The following GOLGA2 variants were observed in gnomAD, a reference collection of about 807,000 sequenced individuals.
GOLGA2 encodes golgin A2, also known as golgin subfamily A member 2.
A neutral mutation model predicts 148.8 loss-of-function variants in GOLGA2; 49 were observed. That is an observed-to-expected ratio of 0.33 (90% CI 0.26 to 0.42). GOLGA2 has a LOEUF of 0.42. Among genes scored for constraint, GOLGA2 ranks in the 10% least tolerant of loss-of-function variants. The pLI is 1.00. For missense variants in GOLGA2, 1,178 were observed against 1,304.6 expected, an observed-to-expected ratio of 0.90 and a Z score of 1.49; for synonymous variants, 501 against 511.8, an observed-to-expected ratio of 0.98 and a Z score of 0.28.
In GOLGA2 at chr9:128,262,499, G is replaced by A. The variant is rs902805604; in HGVS notation, c.1134+64C>T. On this transcript the variant is annotated intron_variant, in intron 14 of 26. Transcript: ENST00000611957. ...GCTGGAGTCTCCCCATGCCCTGCAT[G>A]ATCCCTAGACCATGGCCCCAGCTGG... The A allele has an allele frequency of 4.5e-5, 68 of 1,512,210 alleles. No homozygotes were observed. The African/African-American group carries it at 7.0e-4, about 15-fold the overall frequency. The allele number at this position is 1,512,210 out of a possible 1,614,324, so 93.7% of individuals were successfully genotyped here.
rs144072059 is a variant in GOLGA2 at position 128,269,032 on chromosome 9, G to C, written c.289-508C>G. On this transcript the variant is annotated intron_variant, in intron 3 of 26. Transcript: ENST00000611957. ...TCTCCCCTGCAGTGGCACAATCATA[G>C]TTCACTGCAGCTTCCACCTCCTGGG... Among the ~76,000 whole-genome samples, 417 of 151,750 alleles carry C rather than the reference G, an allele frequency of 2.7e-3. 2 individuals carry two copies. Among genetic ancestry groups the C allele is most frequent in the African/African-American group, 9.6e-3 (397 of 41,352 alleles).
At chr9:128,270,101 T>C (rs1830841502) in intron 3 of GOLGA2, among the ~76,000 whole-genome samples, 1 of 151,352 alleles carries the variant, frequency 6.6e-6, no homozygotes, top group Admixed American at 6.6e-5. Flanking sequence ...TCTCTAGGAT[T>C]AGACACAAGA....
chr9:128,266,437 A>T lies in GOLGA2; in HGVS notation c.643-112T>A. On this transcript the variant is annotated intron_variant, in intron 8 of 26. Transcript: ENST00000611957. The surrounding 1 kb of genome is among the most constrained non-coding windows in gnomAD (Gnocchi z 4.2). Reference sequence around the variant, plus strand: ...AATGGATTTTAAAGGCAAAGTTCTCAGACCCAATGGGAACACGAACTGGTA... The same window carrying T: ...AATGGATTTTAAAGGCAAAGTTCTCTGACCCAATGGGAACACGAACTGGTA... 1 of 874,170 alleles carries T rather than the reference A, an allele frequency of 1.1e-6. No homozygotes were observed. The highest frequency in any genetic ancestry group is 1.4e-5 in the South Asian group (1 of 72,532). The allele number at this position is 874,170 out of a possible 1,614,324, so 54.2% of individuals were successfully genotyped here.
chr9:128,258,608 C>A lies in GOLGA2; in HGVS notation c.2174-38G>T. 1 of 1,498,396 alleles carries A rather than the reference C, an allele frequency of 6.7e-7. No homozygotes were observed. Among genetic ancestry groups the A allele is most frequent in the Non-Finnish European group, 9.1e-7 (1 of 1,104,290 alleles). The allele number at this position is 1,498,396 out of a possible 1,614,324, so 92.8% of individuals were successfully genotyped here. ...CCAGAGGGGTCATCAGACAACCCAA[C>A]AAGGGTACAGTGGGCCCACCTCTGC... On this transcript the variant is annotated intron_variant, in intron 21 of 26. Coordinates refer to ENST00000611957, the MANE Select transcript of GOLGA2 (RefSeq NM_001366244.2). This position sits in a 1 kb window ranked among gnomAD's most constrained non-coding sequence, Gnocchi z 6.6.
rs927677897 is a variant in GOLGA2 at position 128,266,101 on chromosome 9, A to C, written c.682-81T>G. The C allele has an allele frequency of 1.4e-6, 2 of 1,422,956 alleles. No homozygotes were observed. Among genetic ancestry groups the C allele is most frequent in the Admixed American group, 3.3e-5 (2 of 59,796 alleles). 88.1% of individuals were successfully genotyped at this position (1,422,956 alleles called of 1,614,324 possible). On this transcript the variant is annotated intron_variant, in intron 9 of 26. Transcript: ENST00000611957. The surrounding 1 kb of genome is among the most constrained non-coding windows in gnomAD (Gnocchi z 4.2). The stretch of plus-strand genomic sequence containing the variant: ...AGGGACATGCCCCCAGAATGCCACC[A>C]ATGTCCCAGGACAGGCCCACCCATG...
chr9:128,258,718 T>A lies in GOLGA2; in HGVS notation c.2174-148A>T. The A allele has an allele frequency of 1.5e-6, 1 of 665,770 alleles. No homozygotes were observed. Among genetic ancestry groups the A allele is most frequent in the Non-Finnish European group, 2.5e-6 (1 of 396,034 alleles). The allele number at this position is 665,770 out of a possible 1,614,324, so 41.2% of individuals were successfully genotyped here. A position where few individuals can be genotyped will look rare whatever the true frequency, so the allele number is the denominator to read the frequency against. ...TCTTTATTTTTATTTTATTCTTTTTTAAGAGCCAAGGGCTCGCTATGCTGC... is the reference window on the plus strand; with the variant it reads ...TCTTTATTTTTATTTTATTCTTTTTAAAGAGCCAAGGGCTCGCTATGCTGC... On this transcript the variant is annotated intron_variant, in intron 21 of 26. Transcript: ENST00000611957. This position sits in a 1 kb window ranked among gnomAD's most constrained non-coding sequence, Gnocchi z 6.6.
rs572672859 is a variant in GOLGA2 at position 128,260,455 on chromosome 9, G to A, written c.1758+10C>T. On this transcript the variant is annotated intron_variant, in intron 18 of 26. Transcript: ENST00000611957. The surrounding 1 kb of genome is among the most constrained non-coding windows in gnomAD (Gnocchi z 4.8). ...GGAGGAGGGCGGGCTCTCCAGGTGG[G>A]GCAGCGCACCAGCTTTACAAATCCG... is the stretch of plus-strand genomic sequence containing the variant. 53 of 1,600,872 alleles carry A rather than the reference G, an allele frequency of 3.3e-5. No homozygotes were observed. The highest frequency in any genetic ancestry group is 1.9e-4 in the African/African-American group (14 of 74,830).
At chr9:128,269,947 T>C (rs1388025634) in intron 3 of GOLGA2, among the ~76,000 whole-genome samples, 1 of 152,170 alleles carries the variant, frequency 6.6e-6, no homozygotes. Context: ...TGGTGTTTCC[T>C]TGACAATGCC....
In GOLGA2 at chr9:128,265,669, G is replaced by C. The variant is rs1261854508; in HGVS notation, c.849C>G (p.Ser283Arg). The part of the protein sequence containing the change: ...QKEGESEDLA[S>R]RLQYSRRRVG... ...CACGCCGCCGGGAATACTGCAGGCG[G>C]CTGGCCAGATCTTCAGACTCTCCTG... is the stretch of plus-strand genomic sequence containing the variant. Residue 283 changes from serine (S) to arginine (R), a missense_variant, in exon 12 of 27, where the codon AGC (serine) becomes AGG (arginine). Ser to Arg is a moderately radical substitution (Grantham distance 110). Around this residue, in one of 5 missense-constraint regions of GOLGA2, gnomAD observed 304 missense variants for 404.1 expected, o/e 0.75. Transcript: ENST00000611957. 6.2e-7 allele frequency: 1 copy of C among 1,613,816 alleles called. No homozygotes were observed. The highest frequency in any genetic ancestry group is 1.1e-5 in the South Asian group (1 of 91,076).
In GOLGA2 at chr9:128,269,909, T is replaced by C. The variant is rs1026105715; in HGVS notation, c.289-1385A>G. Among the ~76,000 whole-genome samples the C allele has an allele frequency of 1.2e-4, 18 of 152,204 alleles. 1 individual carries two copies. Among genetic ancestry groups the C allele is most frequent in the African/African-American group, 4.1e-4 (17 of 41,450 alleles). On this transcript the variant is annotated intron_variant, in intron 3 of 26. Coordinates refer to ENST00000611957, the MANE Select transcript of GOLGA2 (RefSeq NM_001366244.2). ...AGATGAGCCAAGCTGCCTTTGCATC[T>C]TTGCAAGTTTACTGTGACCATGGAA...
chr9:128,267,351 G>A (rs1022083176), intron 7 of GOLGA2, 77 bp from the exon 8 acceptor site: 1 of 1,387,644 alleles, frequency 7.2e-7, no homozygotes, highest in Non-Finnish European at 1.0e-6. Context: ...AGGGTTGGGG[G>A]GTGTGTGGGC....
At position 128,261,223 on chromosome 9, in the gene GOLGA2, TCATGCTA is replaced by T. The variant is rs1467687863; in HGVS notation, c.1362_1368del (p.Cys454Ter). On this transcript the variant is annotated frameshift_variant, in exon 17 of 27. Transcript: ENST00000611957. LOFTEE classifies it high-confidence loss of function. The surrounding 1 kb of genome is among the most constrained non-coding windows in gnomAD (Gnocchi z 5.7). ...CTCGTCTCCAGCTCCTGTACCCGAC[TCATGCTA>T]CATTCCTTCTCCTCTCTCAATGTGT... is the stretch of plus-strand genomic sequence containing the variant. 1 of 1,613,996 alleles carries T rather than the reference TCATGCTA, an allele frequency of 6.2e-7. No individual in the cohort carries two copies. Among genetic ancestry groups the T allele is most frequent in the Admixed American group, 1.7e-5 (1 of 60,016 alleles).
At position 128,257,054 on chromosome 9, in the gene GOLGA2, C is replaced by T; in HGVS notation, c.*13G>A. 1.3e-6 allele frequency: 2 copies of T among 1,598,618 alleles called. No homozygotes were observed. Among genetic ancestry groups the T allele is most frequent in the Non-Finnish European group, 1.7e-6 (2 of 1,168,106 alleles). The stretch of plus-strand genomic sequence containing the variant: ...GCCCCACTTCTTCAGGCTTTGCTGA[C>T]AGTAGCCGGCTTTTAGATGACAGTG... On this transcript the variant is annotated 3_prime_UTR_variant, in exon 27 of 27. Coordinates refer to ENST00000611957, the MANE Select transcript of GOLGA2 (RefSeq NM_001366244.2). The surrounding 1 kb of genome is among the most constrained non-coding windows in gnomAD (Gnocchi z 8.0).
rs566274434 is a variant in GOLGA2 at position 128,261,397 on chromosome 9, C to T, written c.1332+57G>A. 4 of 1,256,690 alleles carry T rather than the reference C, an allele frequency of 3.2e-6. No individual in the cohort carries two copies. In the South Asian group the frequency reaches 3.6e-5, roughly 11 times the overall value. The allele number at this position is 1,256,690 out of a possible 1,614,324, so 77.8% of individuals were successfully genotyped here. On this transcript the variant is annotated intron_variant, in intron 16 of 26. Transcript: ENST00000611957. This position sits in a 1 kb window ranked among gnomAD's most constrained non-coding sequence, Gnocchi z 5.7. ...GTGCTCCTCCCATTTCGCAGATGCC[C>T]AGAAAGATCAAGTGACCTATCTAAG...
chr9:128,258,803 G>A lies in GOLGA2; in HGVS notation c.2173+204C>T, dbSNP rs1830070484. On this transcript the variant is annotated intron_variant, in intron 21 of 26. Transcript: ENST00000611957. This position sits in a 1 kb window ranked among gnomAD's most constrained non-coding sequence, Gnocchi z 6.6. ...TTCTGACCTGCTTCATTTCTGACCT[G>A]GGCCAGTTCACCCATCCTTAGGTAA... 1.6e-6 allele frequency: 1 copy of A among 619,582 alleles called. No individual in the cohort carries two copies. The highest frequency in any genetic ancestry group is 1.8e-5 in the African/African-American group (1 of 54,212). The allele number at this position is 619,582 out of a possible 1,614,324, so 38.4% of individuals were successfully genotyped here.
chr9:128,260,596 C>T lies in GOLGA2; in HGVS notation c.1627G>A (p.Glu543Lys), dbSNP rs369777097. ...ATTTGCCTGCGCGCCTCCGCCTGCT[C>T]CCCCCAGAGCTCGGCCGCCCGCTCC... ...ELERAAELWG[E>K]QAEARRQILE... is the part of the protein sequence containing the mutation. Residue 543 changes from glutamate to lysine, a missense_variant, in exon 18 of 27, where the codon GAG becomes AAG. Glu to Lys is a moderately conservative substitution (Grantham distance 56). This residue lies in a region of GOLGA2 where 529 missense variants were observed against 521.8 expected (regional missense o/e 1.01). Transcript: ENST00000611957. This position sits in a 1 kb window ranked among gnomAD's most constrained non-coding sequence, Gnocchi z 4.8. The T allele has an allele frequency of 6.2e-7, 1 of 1,611,306 alleles. No individual in the cohort carries two copies.
Position 128,261,214 on chromosome 9 carries a change from G to C in GOLGA2, c.1378C>G (p.Gln460Glu). The C allele has an allele frequency of 6.2e-7, 1 of 1,613,928 alleles. No individual in the cohort carries two copies. Residue 460 changes from glutamine to glutamate, a missense_variant, in exon 17 of 27, where the codon CAG (glutamine) becomes GAG (glutamate). By Grantham distance (29) the Gln-to-Glu change is conservative. Transcript: ENST00000611957. This position sits in a 1 kb window ranked among gnomAD's most constrained non-coding sequence, Gnocchi z 5.7. ...EEKECSMSRV[Q>E]ELETSLAELR... Reference sequence around the variant, plus strand: ...TCAGCCAAGCTCGTCTCCAGCTCCTGTACCCGACTCATGCTACATTCCTTC... The same window carrying C: ...TCAGCCAAGCTCGTCTCCAGCTCCTCTACCCGACTCATGCTACATTCCTTC...
In GOLGA2 at chr9:128,260,455, G is replaced by C; in HGVS notation, c.1758+10C>G. On this transcript the variant is annotated intron_variant, in intron 18 of 26. Transcript: ENST00000611957. This position sits in a 1 kb window ranked among gnomAD's most constrained non-coding sequence, Gnocchi z 4.8. ...GGAGGAGGGCGGGCTCTCCAGGTGG[G>C]GCAGCGCACCAGCTTTACAAATCCG... 6.2e-7 allele frequency: 1 copy of C among 1,600,872 alleles called. No homozygotes were observed.
chr9:128,256,898 T>G lies in GOLGA2; in HGVS notation c.*169A>C. 1.8e-6 allele frequency: 1 copy of G among 553,190 alleles called. No homozygotes were observed. Among genetic ancestry groups the G allele is most frequent in the Non-Finnish European group, 3.2e-6 (1 of 308,412 alleles). 34.3% of individuals were successfully genotyped at this position (553,190 alleles called of 1,614,324 possible). A position where few individuals can be genotyped will look rare whatever the true frequency, so the allele number is the denominator to read the frequency against. ...TTTTTTTTAATTTAGTGGCCAGCTT[T>G]TAGATGACAGTGATCTTCACCTCAT... On this transcript the variant is annotated 3_prime_UTR_variant, in exon 27 of 27. Coordinates refer to ENST00000611957, the MANE Select transcript of GOLGA2 (RefSeq NM_001366244.2).
Sources: gnomAD v4.1 joint callset for allele counts (sites outside exome capture counted in the v4.1 genomes callset) on GRCh38, gnomAD v4.1.1 for gene constraint, gnomAD v4.1.1 regional missense constraint, Gnocchi (gnomAD v3.1) non-coding constraint, MANE v1.5 for transcripts, NCBI Gene and HGNC (gene_info 2026-07-23, HGNC 2026-07-21) for gene names.